The following ANKDD1A variants were observed in gnomAD, a reference collection of about 807,000 sequenced individuals.
ANKDD1A encodes the protein ankyrin repeat and death domain containing 1A.
ANKDD1A carries 59 observed loss-of-function variants against 63.5 expected under a neutral mutation model. That is an observed-to-expected ratio of 0.93 (90% CI 0.75 to 1.15). The LOEUF (loss-of-function observed/expected upper bound fraction) is 1.15. Among genes scored for constraint, ANKDD1A ranks in the 50% most tolerant of loss-of-function variants. The probability of loss-of-function intolerance (pLI) is 0.00; values close to 1 mark genes in which losing one functional copy is unlikely to be tolerated. For synonymous variants in ANKDD1A, 266 were observed against 263.9 expected, an observed-to-expected ratio of 1.01 and a Z score of -0.08; for missense variants, 632 against 656.4, an observed-to-expected ratio of 0.96 and a Z score of 0.41.
At position 64,947,395 on chromosome 15, in the gene ANKDD1A, G is replaced by A. The variant is rs766413520; in HGVS notation, c.1162-9G>A. 2 of 1,608,434 alleles carry A rather than the reference G, an allele frequency of 1.2e-6. No homozygotes were observed. Among genetic ancestry groups the A allele is most frequent in the South Asian group, 1.1e-5 (1 of 90,916 alleles). ...GAGAGCTTCTGCACTTTTGGGATCT[G>A]CCCCACAGGACCACCCCAGTGATCC... On this transcript the variant is annotated splice_polypyrimidine_tract_variant and intron_variant, in intron 12 of 14. Transcript: ENST00000319580.
chr15:64,928,407 A>G (rs1398498216), intron 6 of ANKDD1A, among the ~76,000 whole-genome samples: 2 of 152,266 alleles, frequency 1.3e-5, no homozygotes, highest in Non-Finnish European at 2.9e-5. Context: ...CCAGGAGAGC[A>G]TGAGCACCAA....
At position 64,953,842 on chromosome 15, in the gene ANKDD1A, T is replaced by TC. The variant is rs1160703496; in HGVS notation, c.1484-3261_1484-3260insC. Among the ~76,000 whole-genome samples, 27 of 15,332 alleles carry TC rather than the reference T, an allele frequency of 1.8e-3. No individual in the cohort carries two copies. The Admixed American group carries it at 0.03, about 17-fold the overall frequency. The allele number at this position is 15,332 out of a possible 152,430, so 10.1% of individuals were successfully genotyped here. A position where few individuals can be genotyped will look rare whatever the true frequency, so the allele number is the denominator to read the frequency against. On this transcript the variant is annotated intron_variant, in intron 14 of 14. Transcript: ENST00000319580. ...CTTATTCTTTTCTTCTTTCCTCTTC[T>TC]TTTCTTCTTTCCTCTTCTTCCTCTT...
intron 6 of ANKDD1A, among the ~76,000 whole-genome samples, chr15:64,930,365 A>G (rs2085079917): frequency 6.6e-6 from 1 of 152,142 alleles, no homozygotes; most frequent in South Asian, 2.1e-4. Flanking sequence ...GGACCCAAAA[A>G]TAGTCTCAGG....
At chr15:64,926,592 T>C (rs1168652744) in intron 5 of ANKDD1A, among the ~76,000 whole-genome samples, 2 of 152,006 alleles carry the variant, frequency 1.3e-5, no homozygotes, top group Admixed American at 1.3e-4. Context: ...GGAGGGAAGG[T>C]CTGATGGGTG....
intron 1 of ANKDD1A, among the ~76,000 whole-genome samples, chr15:64,915,213 G>A (rs1228807738): frequency 1.3e-5 from 2 of 152,180 alleles, no homozygotes; most frequent in East Asian, 3.9e-4. Context: ...GCTGAGGTGG[G>A]AGAATCGCTT....
chr15:64,927,602 C>CTTTT (rs5813333), intron 6 of ANKDD1A, among the ~76,000 whole-genome samples: 9 of 130,620 alleles, frequency 6.9e-5, no homozygotes, highest in Non-Finnish European at 9.6e-5. Flanking sequence ...AGCAAATTCC[C>CTTTT]TTTTTTTTTT....
chr15:64,954,820 C>T (rs528649096), intron 14 of ANKDD1A, among the ~76,000 whole-genome samples: 4 of 146,516 alleles, frequency 2.7e-5, no homozygotes, highest in Non-Finnish European at 4.5e-5. Context: ...TTGTTCTTCT[C>T]CTTCTTTTTG....
rs996341105 is a variant in ANKDD1A at position 64,947,469 on chromosome 15, G to A, written c.1227G>A (p.Gln409=). The change falls in exon 13 of 15, where the codon CAG becomes CAA. Residue 409 remains glutamine (Q), a synonymous_variant. Coordinates refer to ENST00000319580, the MANE Select transcript of ANKDD1A (RefSeq NM_182703.6). ...AGCAGGACCATCGGCAGGAAACACA[G>A]CAGCTCCGTTCTGTGCTGTGGCGGC... ...SFKQDHRQET[Q]QLRSVLWRLA... 1.2e-6 allele frequency: 2 copies of A among 1,613,986 alleles called. No individual in the cohort carries two copies. Among genetic ancestry groups the A allele is most frequent in the African/African-American group, 1.3e-5 (1 of 74,922 alleles).
chr15:64,926,703 C>T (rs1031677746), intron 5 of ANKDD1A, among the ~76,000 whole-genome samples, 198 bp from the exon 6 acceptor site: 1 of 152,102 alleles, frequency 6.6e-6, no homozygotes, highest in Non-Finnish European at 1.5e-5. Flanking sequence ...GGAGGGACCC[C>T]AGCAAGTGTC....
intron 9 of ANKDD1A, among the ~76,000 whole-genome samples, chr15:64,938,849 G>T (rs2085156941): frequency 1.3e-5 from 2 of 152,040 alleles, no homozygotes; most frequent in South Asian, 4.2e-4. Context: ...GGAGGCTGAG[G>T]TAGGAGAATC....
chr15:64,951,977 CCTT>C (rs1200396233), intron 14 of ANKDD1A, among the ~76,000 whole-genome samples: 35 of 147,290 alleles, frequency 2.4e-4, no homozygotes, highest in South Asian at 1.1e-3. Context: ...CTTTCTTCTT[CCTT>C]CTTATTCTTC....
chr15:64,916,005 T>A (rs1254046375), intron 2 of ANKDD1A, 105 bp downstream of exon 2: 2 of 1,092,984 alleles, frequency 1.8e-6, no homozygotes, highest in Admixed American at 2.4e-5. Context: ...CACATTTGCA[T>A]GTGTAAACTT....
chr15:64,953,722 C>T lies in ANKDD1A; in HGVS notation c.1484-3381C>T, dbSNP rs111072541. 1.5e-3 allele frequency among the ~76,000 whole-genome samples: 151 copies of T among 101,410 alleles called. 1 individual carries two copies. In the South Asian group the frequency reaches 0.027, roughly 18 times the overall value. The allele number at this position is 101,410 out of a possible 152,430, so 66.5% of individuals were successfully genotyped here. On this transcript the variant is annotated intron_variant, in intron 14 of 14. Transcript: ENST00000319580. ...TCTTTCTTCTTCTCCTTGTTCTTCT[C>T]CTTCTTCTCCTCCTTCTTCTTTCCT...
intron 14 of ANKDD1A, among the ~76,000 whole-genome samples, chr15:64,953,658 T>TCCTCC (rs1566917758): frequency 7.6e-6 from 1 of 130,802 alleles, no homozygotes. Context: ...TTCTCCTTCT[T>TCCTCC]TTCTTTCTTC....
In ANKDD1A at chr15:64,950,581, C is replaced by A. The variant is rs2140384433; in HGVS notation, c.1483+609C>A. Reference sequence around the variant, plus strand: ...CCCACTGACGTGGTACATAATGGGGCAACCACAGAATGGGGCACTAGGCAG... The same window carrying A: ...CCCACTGACGTGGTACATAATGGGGAAACCACAGAATGGGGCACTAGGCAG... On this transcript the variant is annotated intron_variant, in intron 14 of 14. Transcript: ENST00000319580. 3 of 985,376 alleles carry A rather than the reference C, an allele frequency of 3.0e-6. No individual in the cohort carries two copies. The South Asian group carries it at 1.4e-4, about 46-fold the overall frequency. 61.0% of individuals were successfully genotyped at this position (985,376 alleles called of 1,614,324 possible).
At chr15:64,953,189 C>A (rs1055120375) in intron 14 of ANKDD1A, among the ~76,000 whole-genome samples, 1 of 99,496 alleles carries the variant, frequency 1.0e-5, no homozygotes, top group African/African-American at 3.5e-5. Context: ...TTTCTTCTTC[C>A]TCTTCTTATT....
chr15:64,956,345 C>A (rs11637896), intron 14 of ANKDD1A, among the ~76,000 whole-genome samples: 15 of 151,030 alleles, frequency 9.9e-5, no homozygotes, highest in African/African-American at 3.7e-4. Context: ...GTCAGGAGAT[C>A]GAGACCATCC....
At chr15:64,921,358 G>A (rs2085005479) in intron 3 of ANKDD1A, among the ~76,000 whole-genome samples, 2 of 151,934 alleles carry the variant, frequency 1.3e-5, no homozygotes, top group South Asian at 4.1e-4. Context: ...GGTGATGAGA[G>A]TAAATGGCAG....
intron 14 of ANKDD1A, among the ~76,000 whole-genome samples, chr15:64,953,233 CTT>C (rs2085335072): frequency 1.4e-5 from 2 of 138,956 alleles, no homozygotes; most frequent in Non-Finnish European, 3.1e-5. Flanking sequence ...CCTTATTCTT[CTT>C]TCTTCTTTCC....
Sources: allele counts gnomAD v4.1 joint callset (sites outside exome capture counted in the v4.1 genomes callset), GRCh38; gene constraint gnomAD v4.1.1; transcripts MANE v1.5; gene names NCBI Gene and HGNC (gene_info 2026-07-23, HGNC 2026-07-21).